The following LTAP1 variants were observed in gnomAD, a reference collection of about 807,000 sequenced individuals.
LTAP1 encodes the protein HCV NS5A-transactivated protein 4.
chr1:154,219,872 C>T, the LTAP1 span: 8 of 1,613,882 alleles, frequency 5.0e-6, no homozygotes, highest in South Asian at 5.5e-5. Flanking sequence ...CATGAGGTCC[C>T]CTTCGAGATT....
At chr1:154,207,072 A>C in the LTAP1 span, 1 of 196,602 alleles carries the variant, frequency 5.1e-6, no homozygotes, top group African/African-American at 2.4e-5. Flanking sequence ...ACAAAGGTAT[A>C]GATATGGAAG....
chr1:154,215,724 A>G, the LTAP1 span, among the ~76,000 whole-genome samples: 1 of 152,252 alleles, frequency 6.6e-6, no homozygotes, highest in Non-Finnish European at 1.5e-5. Flanking sequence ...TGTGAAACAT[A>G]AGATACACAA....
At chr1:154,219,950 A>T in the LTAP1 span, 1 of 1,575,984 alleles carries the variant, frequency 6.3e-7, no homozygotes, top group Non-Finnish European at 8.6e-7. Flanking sequence ...GTCCAAAAAG[A>T]TGTAAAAATC....
At chr1:154,212,102 C>T in the LTAP1 span, 3 of 516,918 alleles carry the variant, frequency 5.8e-6, no homozygotes, top group South Asian at 2.1e-5. Context: ...GATGATCCTC[C>T]CGCCTCGGCC....
At chr1:154,220,289 G>A in the LTAP1 span, 24 of 1,598,256 alleles carry the variant, frequency 1.5e-5, no homozygotes, top group East Asian at 8.9e-5. Context: ...CAAAAGGAGG[G>A]TCTCTACTGG....
At chr1:154,212,600 C>T in the LTAP1 span, 11 of 1,613,920 alleles carry the variant, frequency 6.8e-6, no homozygotes, top group African/African-American at 1.3e-5. Flanking sequence ...ACGGGGATGC[C>T]GGCCTTCAGA....
At chr1:154,208,510 A>G in the LTAP1 span, 1 of 152,222 alleles carries the variant, frequency 6.6e-6, no homozygotes, top group Non-Finnish European at 1.5e-5. Context: ...CTAGCAGCAG[A>G]GAAACCAATT....
At chr1:154,212,937 C>T in the LTAP1 span, among the ~76,000 whole-genome samples, 6 of 152,038 alleles carry the variant, frequency 3.9e-5, no homozygotes, top group Admixed American at 2.0e-4. Context: ...CCTCCCAAAG[C>T]GTTGGGATTA....
chr1:154,213,809 C>T, the LTAP1 span: 2 of 1,119,556 alleles, frequency 1.8e-6, no homozygotes, highest in Non-Finnish European at 2.6e-6. Flanking sequence ...AAGGACAAAT[C>T]CTAACATACA....
At chr1:154,215,284 G>C in the LTAP1 span, among the ~76,000 whole-genome samples, 4 of 152,052 alleles carry the variant, frequency 2.6e-5, no homozygotes, top group Admixed American at 2.0e-4. Flanking sequence ...GATAGTAAAG[G>C]GGCCGGGTGC....
At chr1:154,219,876 C>G in the LTAP1 span, 6 of 1,613,842 alleles carry the variant, frequency 3.7e-6, no homozygotes, top group Non-Finnish European at 5.1e-6. Flanking sequence ...AGGTCCCCTT[C>G]GAGATTTCAT....
chr1:154,212,721 C>CCA, the LTAP1 span: 1 of 1,401,548 alleles, frequency 7.1e-7, no homozygotes, highest in Non-Finnish European at 9.8e-7. Context: ...AGTGCAGTGG[C>CCA]AGTGATCTTG....
At chr1:154,209,594 A>C in the LTAP1 span, among the ~76,000 whole-genome samples, 1 of 150,294 alleles carries the variant, frequency 6.7e-6, no homozygotes, top group African/African-American at 2.5e-5. Context: ...ACTCCCAGCT[A>C]ATTTTTTTTC....
At chr1:154,209,967 C>A in the LTAP1 span, among the ~76,000 whole-genome samples, 1 of 151,892 alleles carries the variant, frequency 6.6e-6, no homozygotes. Context: ...CTCAAGTAAT[C>A]CACCCATCTC....
At chr1:154,214,635 G>T in the LTAP1 span, 1 of 1,046,970 alleles carries the variant, frequency 9.6e-7, no homozygotes, top group African/African-American at 1.6e-5. Context: ...CCACCAATGT[G>T]AAAATGGGGC....
the LTAP1 span, chr1:154,212,208 C>T: frequency 0.01 from 11,845 of 1,180,142 alleles, 405 homozygotes; most frequent in East Asian, 0.069. Flanking sequence ...AACCTGACAA[C>T]TCTTATGGTA....
At chr1:154,210,730 C>T in the LTAP1 span, among the ~76,000 whole-genome samples, 269 of 152,158 alleles carry the variant, frequency 1.8e-3, 1 homozygote, top group Non-Finnish European at 3.1e-3. Context: ...CCACCTGCCT[C>T]GGCCTCCCAG....
the LTAP1 span, among the ~76,000 whole-genome samples, chr1:154,209,936 G>A: frequency 1.3e-5 from 2 of 151,584 alleles, no homozygotes; most frequent in African/African-American, 4.8e-5. Flanking sequence ...ATGATGCCCA[G>A]GTTGGTCTCA....
At chr1:154,214,327 C>G in the LTAP1 span, 2 of 684,474 alleles carry the variant, frequency 2.9e-6, no homozygotes, top group Non-Finnish European at 5.2e-6. Flanking sequence ...TAAATGGGCT[C>G]TGCATCTAAC....
Sources: gnomAD v4.1 joint callset for allele counts (sites outside exome capture counted in the v4.1 genomes callset) on GRCh38, gnomAD v4.1.1 for gene constraint, MANE v1.5 for transcripts, NCBI Gene and HGNC (gene_info 2026-07-23, HGNC 2026-07-21) for gene names.